Variants in DPH6 observed in about 807,000 individuals in gnomAD.
DPH6 encodes the protein diphthamine biosynthesis 6.
Under a neutral mutation model 38.2 loss-of-function variants are expected in DPH6, and 33 were observed. The observed-to-expected ratio is 0.86, with a 90% CI of 0.65 to 1.15. The LOEUF is 1.15. DPH6 is among the 50% of genes most tolerant of loss of function. The pLI, the probability that DPH6 is intolerant of heterozygous loss-of-function variation, is 0.00. For synonymous variants in DPH6, 108 were observed against 103.0 expected, an observed-to-expected ratio of 1.05 and a Z score of -0.30; for missense variants, 325 against 320.0, an observed-to-expected ratio of 1.02 and a Z score of -0.12.
chr15:35,396,692 T>A (rs1003531420), intron 6 of DPH6, among the ~76,000 whole-genome samples: 1 of 152,210 alleles, frequency 6.6e-6, no homozygotes, highest in South Asian at 2.1e-4. Context: ...TTATTTATAA[T>A]AGCCATTGGA....
chr15:35,450,794 C>T lies in DPH6; in HGVS notation c.396G>A (p.Arg132=), dbSNP rs1469075141. 1.3e-6 allele frequency: 2 copies of T among 1,598,886 alleles called. No individual in the cohort carries two copies. The highest frequency in any genetic ancestry group is 8.5e-7 in the Non-Finnish European group (1 of 1,174,044). ...GATAAGCTAAAGGCTGGAGATTAAG[C>T]CTTTTACACCTACAAAAGAAAAAGA... is the stretch of plus-strand genomic sequence containing the variant. ...QRIRVENVCK[R]LNLQPLAYLW... is the part of the protein sequence containing the mutation. The change falls in exon 5 of 9, where the codon AGG becomes AGA. Residue 132 remains arginine (R), a synonymous_variant. Coordinates refer to ENST00000256538, the MANE Select transcript of DPH6 (RefSeq NM_080650.4).
chr15:35,172,031 C>T, the DPH6 span, among the ~76,000 whole-genome samples: 1 of 152,048 alleles, frequency 6.6e-6, no homozygotes, highest in African/African-American at 2.4e-5. Flanking sequence ...CCACACCTGG[C>T]TAATTTTTGT....
At chr15:35,306,824 G>A (rs1419438272) in intron 3 of DPH6, among the ~76,000 whole-genome samples, 1 of 152,190 alleles carries the variant, frequency 6.6e-6, no homozygotes, top group Non-Finnish European at 1.5e-5. Flanking sequence ...GCTCTCTGCA[G>A]AGAACACACC....
At chr15:35,400,945 C>T in intron 6 of DPH6, 2 of 1,038,204 alleles carry the variant, frequency 1.9e-6, no homozygotes, top group Non-Finnish European at 3.0e-6. Flanking sequence ...GTTGTGGAAC[C>T]AAAGAGAGCT....
intron 6 of DPH6, chr15:35,401,802 A>T: frequency 1.7e-6 from 1 of 603,318 alleles, no homozygotes. Context: ...ACAGGAGAGG[A>T]GAGCCAGAGA....
intron 3 of DPH6, among the ~76,000 whole-genome samples, chr15:35,317,942 G>A (rs73393356): frequency 0.022 from 3,313 of 151,872 alleles, 49 homozygotes; most frequent in African/African-American, 0.043. Flanking sequence ...ACCAATAAAG[G>A]GGGGAACAGA....
chr15:35,417,640 TA>T, intron 5 of DPH6, among the ~76,000 whole-genome samples: 1 of 152,100 alleles, frequency 6.6e-6, no homozygotes, highest in East Asian at 1.9e-4. Context: ...ATGATGCTAA[TA>T]TACCAATATA....
chr15:35,349,996 A>C (rs1260558666), intron 3 of DPH6, among the ~76,000 whole-genome samples: 1 of 152,236 alleles, frequency 6.6e-6, no homozygotes, highest in East Asian at 1.9e-4. Context: ...GTTTGTTCTA[A>C]ATTTTTTGCA....
intron 3 of DPH6, among the ~76,000 whole-genome samples, chr15:35,252,238 G>A (rs2051679856): frequency 6.6e-6 from 1 of 152,132 alleles, no homozygotes; most frequent in South Asian, 2.1e-4. Context: ...CATGTCAATA[G>A]GTACTATTAT....
intron 3 of DPH6, among the ~76,000 whole-genome samples, chr15:35,240,478 A>G (rs2051589898): frequency 1.4e-5 from 2 of 141,794 alleles, no homozygotes; most frequent in African/African-American, 5.1e-5. Flanking sequence ...CTAGGTCCCA[A>G]TTCTTCCTCA....
chr15:35,434,847 C>T (rs948093627), intron 5 of DPH6, among the ~76,000 whole-genome samples: 3 of 152,256 alleles, frequency 2.0e-5, no homozygotes, highest in Non-Finnish European at 4.4e-5. Flanking sequence ...GACCTCAGCT[C>T]ACTGCAACCT....
chr15:35,237,919 C>A, intron 3 of DPH6: 1 of 1,390,062 alleles, frequency 7.2e-7, no homozygotes, highest in Non-Finnish European at 1.0e-6. Context: ...AAGAGGAGGA[C>A]GTGAGTGGAG....
At chr15:35,206,453 C>T in the DPH6 span, among the ~76,000 whole-genome samples, 4 of 152,152 alleles carry the variant, frequency 2.6e-5, no homozygotes, top group African/African-American at 9.7e-5. Context: ...ACTGCTCTTT[C>T]CCTCTCTGCC....
chr15:35,216,005 A>G (rs149787043), downstream of DPH6, among the ~76,000 whole-genome samples: 904 of 152,356 alleles, frequency 5.9e-3, 2 homozygotes, highest in Non-Finnish European at 9.0e-3. Flanking sequence ...ATTGGATATG[A>G]AAGTTTCTGT....
intron 4 of DPH6, among the ~76,000 whole-genome samples, chr15:35,451,937 G>A (rs889186921): frequency 1.3e-5 from 2 of 152,198 alleles, no homozygotes; most frequent in East Asian, 1.9e-4. Context: ...GTGAACCTGG[G>A]AGGCGGAGCT....
chr15:35,248,328 C>G (rs1432802267), intron 3 of DPH6, among the ~76,000 whole-genome samples: 1 of 152,296 alleles, frequency 6.6e-6, no homozygotes, highest in Admixed American at 6.5e-5. Flanking sequence ...CTTTCCCCCA[C>G]CTTTCTAAGA....
At chr15:35,436,191 G>A (rs931246051) in intron 5 of DPH6, among the ~76,000 whole-genome samples, 3 of 152,076 alleles carry the variant, frequency 2.0e-5, no homozygotes, top group Non-Finnish European at 2.9e-5. Context: ...TTCCTGCTGG[G>A]CGCGGTGGCT....
At chr15:35,436,753 G>GTTTTT (rs57241274) in intron 5 of DPH6, among the ~76,000 whole-genome samples, 1 of 144,048 alleles carries the variant, frequency 6.9e-6, no homozygotes, top group African/African-American at 2.6e-5. Context: ...CTGCCTTTAA[G>GTTTTT]TTTTTTTTTT....
intron 3 of DPH6, among the ~76,000 whole-genome samples, chr15:35,273,103 T>C (rs995576956): frequency 6.6e-5 from 10 of 151,966 alleles, no homozygotes; most frequent in Non-Finnish European, 1.3e-4. Context: ...AAACCTCTTT[T>C]CTTCATAAAT....
Sources: gnomAD v4.1 joint callset for allele counts (sites outside exome capture counted in the v4.1 genomes callset) on GRCh38, gnomAD v4.1.1 for gene constraint, MANE v1.5 for transcripts, NCBI Gene and HGNC (gene_info 2026-07-23, HGNC 2026-07-21) for gene names.